Variants in SRFBP1 observed in about 807,000 individuals in gnomAD.
SRFBP1 encodes serum response factor-binding protein 1.
In SRFBP1, 47 loss-of-function variants were observed where a neutral mutation model predicts 45.5. The observed-to-expected ratio is 1.03, with a 90% CI of 0.82 to 1.32. The LOEUF is 1.32. Ranked by LOEUF, SRFBP1 falls within the 40% of genes most tolerant of loss-of-function variation. The pLI is 0.00. For synonymous variants in SRFBP1, 203 were observed against 166.3 expected (o/e 1.22, Z -1.70); for missense variants, 621 against 484.6 (o/e 1.28, Z -2.64).
chr5:122,071,128 G>A lies in SRFBP1; in HGVS notation n.312-4187G>A, dbSNP rs573969651. Among the ~76,000 whole-genome samples the A allele has an allele frequency of 2.6e-5, 4 of 152,088 alleles. No homozygotes were observed. The South Asian group carries it at 6.2e-4, about 24-fold the overall frequency. ...CAAGTTCCCTAAGGGTAGAGTTTAC[G>A]TTGTATCTTTGAATAACTAACATTT... On this transcript the variant is annotated intron_variant and non_coding_transcript_variant, in intron 2 of 2. Transcript: ENST00000504881.
chr5:122,004,509 G>T (rs1752940110), intron 4 of SRFBP1, among the ~76,000 whole-genome samples: 2 of 152,086 alleles, frequency 1.3e-5, no homozygotes, highest in African/African-American at 4.8e-5. Context: ...ATGGTCATCA[G>T]TTGTAATATT....
intron 4 of SRFBP1, among the ~76,000 whole-genome samples, chr5:122,016,883 G>A (rs1339476013): frequency 6.6e-6 from 1 of 152,112 alleles, no homozygotes; most frequent in Non-Finnish European, 1.5e-5. Context: ...GAATAGATGC[G>A]TATCAGTTTC....
intron 2 of SRFBP1, among the ~76,000 whole-genome samples, chr5:122,060,355 C>G (rs747476053): frequency 2.6e-5 from 4 of 151,990 alleles, no homozygotes; most frequent in Non-Finnish European, 5.9e-5. Context: ...TTCTCATTGG[C>G]AATATCCATA....
Position 122,020,809 on chromosome 5 carries a change from T to C in SRFBP1, c.1067+7T>C, listed in dbSNP as rs771188449. 2 of 1,533,758 alleles carry C rather than the reference T, an allele frequency of 1.3e-6. No individual in the cohort carries two copies. Among genetic ancestry groups the C allele is most frequent in the African/African-American group, 1.4e-5 (1 of 71,464 alleles). ...GATCTAAAAGCTCTAGAAGGTAAGA[T>C]TCTTTTTCTATTCTGAAATAATCAT... is the stretch of plus-strand genomic sequence containing the variant. On this transcript the variant is annotated splice_region_variant and intron_variant, in intron 6 of 7. Transcript: ENST00000339397.
intron 7 of SRFBP1, among the ~76,000 whole-genome samples, chr5:122,023,112 A>G (rs1753396267): frequency 6.6e-6 from 1 of 152,244 alleles, no homozygotes; most frequent in South Asian, 2.1e-4. Flanking sequence ...CTCACATATC[A>G]TTAGCCAGAA....
chr5:121,973,674 G>A (rs1752246688), intron 1 of SRFBP1, among the ~76,000 whole-genome samples: 1 of 151,442 alleles, frequency 6.6e-6, no homozygotes, highest in Non-Finnish European at 1.5e-5. Flanking sequence ...CCTTGTGTTT[G>A]TGGATCTTCT....
chr5:122,030,378 TG>T (rs1753569622), downstream of SRFBP1, among the ~76,000 whole-genome samples: 1 of 152,210 alleles, frequency 6.6e-6, no homozygotes, highest in Non-Finnish European at 1.5e-5. Flanking sequence ...CAACAGCCCA[TG>T]ATCATAGTGC....
At chr5:121,974,414 A>G in intron 2 of SRFBP1, 130 bp downstream of exon 2, 1 of 618,894 alleles carries the variant, frequency 1.6e-6, no homozygotes, top group Non-Finnish European at 2.9e-6. Flanking sequence ...TTTGTTTTGT[A>G]TGCGGAGATG....
intron 1 of SRFBP1, among the ~76,000 whole-genome samples, chr5:121,963,414 A>G (rs1033140168): frequency 3.3e-5 from 5 of 152,170 alleles, no homozygotes; most frequent in African/African-American, 9.7e-5. Context: ...CCTGTGATGT[A>G]TGAAAGATCA....
intron 3 of SRFBP1, among the ~76,000 whole-genome samples, chr5:121,979,947 C>A (rs979244110): frequency 6.6e-6 from 1 of 152,268 alleles, no homozygotes; most frequent in Non-Finnish European, 1.5e-5. Context: ...CAAGGGACAG[C>A]CTACTAAGAG....
chr5:121,964,357 C>G (rs753717134), intron 1 of SRFBP1, among the ~76,000 whole-genome samples: 1 of 152,046 alleles, frequency 6.6e-6, no homozygotes, highest in African/African-American at 2.4e-5. Context: ...TCCCCCCACC[C>G]GACAGGCCTT....
intron 1 of SRFBP1, among the ~76,000 whole-genome samples, chr5:121,972,713 G>A (rs1354723036): frequency 1.3e-5 from 2 of 151,864 alleles, no homozygotes; most frequent in Admixed American, 1.3e-4. Flanking sequence ...AAAGATGGTT[G>A]TGGTGGGTGG....
intron 4 of SRFBP1, among the ~76,000 whole-genome samples, chr5:122,007,556 T>A (rs1278837305): frequency 2.0e-5 from 3 of 151,856 alleles, no homozygotes; most frequent in African/African-American, 7.3e-5. Flanking sequence ...GGTGTGCAAG[T>A]GCTGTTTTAG....
chr5:121,966,665 G>A (rs1181207352), intron 1 of SRFBP1, among the ~76,000 whole-genome samples: 1 of 152,240 alleles, frequency 6.6e-6, no homozygotes, highest in African/African-American at 2.4e-5. Flanking sequence ...TTAGGCAGCA[G>A]TGATATGTAA....
chr5:121,971,037 T>C (rs1330281222), intron 1 of SRFBP1, among the ~76,000 whole-genome samples: 1 of 151,828 alleles, frequency 6.6e-6, no homozygotes, highest in Non-Finnish European at 1.5e-5. Context: ...TTCTGACCAG[T>C]GGAAATGGTA....
At chr5:122,052,651 G>T (rs79402663) in intron 2 of SRFBP1, among the ~76,000 whole-genome samples, 2 of 151,962 alleles carry the variant, frequency 1.3e-5, no homozygotes, top group Non-Finnish European at 2.9e-5. Context: ...CTCCTGTATC[G>T]TTTTACAGTG....
rs373364318 is a variant in SRFBP1, at chr5:122,062,365, T to G, written n.312-12950T>G. Among the ~76,000 whole-genome samples, 24 of 152,050 alleles carry G rather than the reference T, an allele frequency of 1.6e-4. 1 individual carries two copies. The East Asian group carries it at 4.1e-3, about 26-fold the overall frequency. On this transcript the variant is annotated intron_variant and non_coding_transcript_variant, in intron 2 of 2. Coordinates refer to the SRFBP1 transcript ENST00000504881. ...TTCAACCTGTGTGTTAATCCTCTAC[T>G]AATATCTGTGGTAAGGAGTAGAAGT...
At chr5:122,005,580 T>C (rs1752957313) in intron 4 of SRFBP1, among the ~76,000 whole-genome samples, 1 of 152,152 alleles carries the variant, frequency 6.6e-6, no homozygotes, top group Non-Finnish European at 1.5e-5. Context: ...ATTTTTGTTT[T>C]TGTTTTTTGT....
At chr5:121,981,289 A>G (rs1752401885) in intron 3 of SRFBP1, among the ~76,000 whole-genome samples, 1 of 152,126 alleles carries the variant, frequency 6.6e-6, no homozygotes, top group African/African-American at 2.4e-5. Context: ...AACCAAGAGT[A>G]TCTAGGAAAC....
Sources: allele counts gnomAD v4.1 joint callset (sites outside exome capture counted in the v4.1 genomes callset), GRCh38; gene constraint gnomAD v4.1.1; transcripts MANE v1.5; gene names NCBI Gene and HGNC (gene_info 2026-07-23, HGNC 2026-07-21).